Variants in AGBL4 observed in about 807,000 individuals in gnomAD.
AGBL4 encodes the protein cytosolic carboxypeptidase 6.
AGBL4 carries 58 observed loss-of-function variants against 66.4 expected under a neutral mutation model. That is an observed-to-expected ratio of 0.87 (90% CI 0.71 to 1.09). AGBL4 has a LOEUF of 1.09. Ranked by LOEUF, AGBL4 falls within the 50% of genes least tolerant of loss-of-function variation. The probability of loss-of-function intolerance (pLI) is 0.00; values close to 1 mark genes in which losing one functional copy is unlikely to be tolerated. For synonymous variants in AGBL4, 234 were observed against 222.9 expected (o/e 1.05, Z -0.44); for missense variants, 579 against 631.0 (o/e 0.92, Z 0.88).
rs369125855 is a variant in AGBL4, at chr1:49,567,288, G to A, written c.282+130025C>T. On this transcript the variant is annotated intron_variant, in intron 3 of 13. Coordinates refer to ENST00000371839, the MANE Select transcript of AGBL4 (RefSeq NM_032785.4). ...CCTCGCCCTGCTTTGGCTCACGCAC[G>A]GTGCACTGCACCCACTGTCCTGCAC... is the stretch of plus-strand genomic sequence containing the variant. Among the ~76,000 whole-genome samples, 53 of 152,256 alleles carry A rather than the reference G, an allele frequency of 3.5e-4. 1 individual carries two copies. The South Asian group carries it at 9.5e-3, about 27-fold the overall frequency.
At chr1:48,738,909 C>T (rs915002701) in intron 6 of AGBL4, among the ~76,000 whole-genome samples, 7 of 152,056 alleles carry the variant, frequency 4.6e-5, no homozygotes, top group Non-Finnish European at 1.0e-4. Flanking sequence ...AAATTATTTT[C>T]CCATTTTACA....
chr1:49,681,762 G>T (rs1226702610), intron 3 of AGBL4, among the ~76,000 whole-genome samples: 1 of 152,192 alleles, frequency 6.6e-6, no homozygotes, highest in Admixed American at 6.5e-5. Flanking sequence ...AAGCTACTCT[G>T]TTTCTACAAT....
chr1:49,036,945 T>C (rs1429424710), intron 5 of AGBL4, among the ~76,000 whole-genome samples: 2 of 151,876 alleles, frequency 1.3e-5, no homozygotes, highest in Admixed American at 6.6e-5. Context: ...TTGAGGATAG[T>C]GGGTCTTTCT....
chr1:49,494,559 A>T (rs1199394193), intron 3 of AGBL4, among the ~76,000 whole-genome samples: 1 of 151,974 alleles, frequency 6.6e-6, no homozygotes. Context: ...TTTACTGAGA[A>T]TGATGATTTC....
intron 4 of AGBL4, among the ~76,000 whole-genome samples, chr1:49,192,950 G>T (rs1387314017): frequency 6.6e-6 from 1 of 152,110 alleles, no homozygotes; most frequent in Non-Finnish European, 1.5e-5. Flanking sequence ...TTCAATCTTA[G>T]GAGGTTGTAT....
intron 3 of AGBL4, among the ~76,000 whole-genome samples, chr1:49,692,617 A>T (rs1558166906): frequency 6.6e-6 from 1 of 151,672 alleles, no homozygotes; most frequent in South Asian, 2.1e-4. Context: ...GCTCAGGAGG[A>T]TGAGGCAGGA....
chr1:49,277,491 C>T (rs1215939600), intron 3 of AGBL4, among the ~76,000 whole-genome samples: 2 of 152,206 alleles, frequency 1.3e-5, no homozygotes, highest in Middle Eastern at 3.4e-3. Context: ...AACTTGTCTC[C>T]ACCACTCACT....
At chr1:49,802,089 C>T (rs1426304991) in intron 2 of AGBL4, among the ~76,000 whole-genome samples, 1 of 152,184 alleles carries the variant, frequency 6.6e-6, no homozygotes, top group Non-Finnish European at 1.5e-5. Context: ...CCAGGTTGGA[C>T]TGCCAGAACG....
At chr1:49,354,388 T>A (rs1643975938) in intron 3 of AGBL4, among the ~76,000 whole-genome samples, 1 of 152,262 alleles carries the variant, frequency 6.6e-6, no homozygotes, top group Non-Finnish European at 1.5e-5. Flanking sequence ...TGGCTTCATG[T>A]CATTATACTC....
At chr1:49,395,393 A>C (rs1644936549) in intron 3 of AGBL4, among the ~76,000 whole-genome samples, 1 of 152,044 alleles carries the variant, frequency 6.6e-6, no homozygotes, top group Non-Finnish European at 1.5e-5. Context: ...TAAGTATTGA[A>C]TGAATGAAAG....
intron 2 of AGBL4, among the ~76,000 whole-genome samples, chr1:49,849,837 C>A (rs1272639990): frequency 6.6e-6 from 1 of 152,110 alleles, no homozygotes; most frequent in Non-Finnish European, 1.5e-5. Context: ...TTATTGCAGG[C>A]TGTATGTAAA....
At position 49,917,028 on chromosome 1, in the gene AGBL4, C is replaced by G. The variant is rs138774919; in HGVS notation, c.35-65510G>C. 7.8e-3 allele frequency among the ~76,000 whole-genome samples: 1,189 copies of G among 152,242 alleles called. 15 individuals carry two copies. The highest frequency in any genetic ancestry group is 0.027 in the African/African-American group (1,122 of 41,540). ...AGAAATAAAATCCTTTACAGACAAGCAAATGCTGAGAGATTTTGTCACCAC... is the reference window on the plus strand; with the variant it reads ...AGAAATAAAATCCTTTACAGACAAGGAAATGCTGAGAGATTTTGTCACCAC... On this transcript the variant is annotated intron_variant, in intron 1 of 13. Coordinates refer to ENST00000371839, the MANE Select transcript of AGBL4 (RefSeq NM_032785.4).
chr1:49,628,219 C>A (rs985789178), intron 3 of AGBL4, among the ~76,000 whole-genome samples: 2 of 152,010 alleles, frequency 1.3e-5, no homozygotes, highest in African/African-American at 4.8e-5. Context: ...TGCAGCTCAC[C>A]GTAAACTCCA....
chr1:49,045,081 C>T (rs1644044762), intron 5 of AGBL4, among the ~76,000 whole-genome samples: 1 of 152,186 alleles, frequency 6.6e-6, no homozygotes, highest in African/African-American at 2.4e-5. Context: ...CAGTCAGGAA[C>T]TGATGGATGA....
intron 3 of AGBL4, among the ~76,000 whole-genome samples, chr1:49,299,486 T>G (rs1368721088): frequency 6.6e-6 from 1 of 152,218 alleles, no homozygotes; most frequent in Non-Finnish European, 1.5e-5. Context: ...ATAGTGTCAA[T>G]GAAAACATGT....
intron 6 of AGBL4, among the ~76,000 whole-genome samples, chr1:48,808,662 G>C (rs1645983966): frequency 6.6e-6 from 1 of 152,210 alleles, no homozygotes. Context: ...AAGGAAAAGA[G>C]AGAGTTAATA....
intron 3 of AGBL4, among the ~76,000 whole-genome samples, chr1:49,284,856 C>T (rs1173164732): frequency 6.0e-5 from 9 of 150,478 alleles, no homozygotes; most frequent in Non-Finnish European, 1.2e-4. Context: ...AATACAGGAG[C>T]ACCCAGATTC....
intron 4 of AGBL4, among the ~76,000 whole-genome samples, chr1:49,133,685 T>C (rs1645947436): frequency 6.6e-6 from 1 of 152,106 alleles, no homozygotes; most frequent in Admixed American, 6.6e-5. Context: ...TTTGACAATA[T>C]GTGGATGTTC....
chr1:49,632,847 G>A (rs553579475), intron 3 of AGBL4, among the ~76,000 whole-genome samples: 12 of 151,978 alleles, frequency 7.9e-5, no homozygotes, highest in Middle Eastern at 3.4e-3. Context: ...GTGCCTAGGC[G>A]GGCTGATCAC....
Sources: allele counts gnomAD v4.1 joint callset (sites outside exome capture counted in the v4.1 genomes callset), GRCh38; gene constraint gnomAD v4.1.1; transcripts MANE v1.5; gene names NCBI Gene and HGNC (gene_info 2026-07-23, HGNC 2026-07-21).